Variants in DOCK11 observed in about 807,000 individuals in gnomAD.
The protein encoded by DOCK11 is dedicator of cytokinesis 11, also known as dedicator of cytokinesis protein 11.
DOCK11 carries 70 observed loss-of-function variants against 169.1 expected under a neutral mutation model. The ratio of observed to expected loss-of-function variants is 0.41; its 90% confidence interval spans 0.34 to 0.51. The LOEUF (loss-of-function observed/expected upper bound fraction) is 0.51. Among genes scored for constraint, DOCK11 ranks in the 20% least tolerant of loss-of-function variants. DOCK11 has a pLI of 0.10. For synonymous variants in DOCK11, 529 were observed against 541.3 expected (o/e 0.98, Z 0.32); for missense variants, 1,166 against 1,538.8 (o/e 0.76, Z 4.05).
chrX:118,572,076 T>C (rs1405831266), intron 10 of DOCK11, among the ~76,000 whole-genome samples: 5 of 112,218 alleles, frequency 4.5e-5, no homozygotes, highest in African/African-American at 1.6e-4. Context: ...TTGTAGGCCA[T>C]AGTACAGACT....
intron 7 of DOCK11, among the ~76,000 whole-genome samples, chrX:118,561,856 C>A (rs752938692): frequency 1.8e-5 from 2 of 110,645 alleles, no homozygotes; most frequent in South Asian, 7.8e-4. Context: ...CAGAGCAAGA[C>A]CCTGTCTACA....
chrX:118,682,038 T>C (rs1044976987), intron 51 of DOCK11, among the ~76,000 whole-genome samples: 1 of 111,614 alleles, frequency 9.0e-6, no homozygotes, highest in East Asian at 2.8e-4. Context: ...ACTATATTGC[T>C]TTGAATATTT....
intron 10 of DOCK11, among the ~76,000 whole-genome samples, chrX:118,571,178 C>G (rs1243023219): frequency 1.8e-5 from 2 of 109,936 alleles, no homozygotes; most frequent in African/African-American, 6.6e-5. Context: ...TAAGTCAGGC[C>G]TCTCCCATTT....
At chrX:118,546,210 CAAAAA>C (rs1556269491) in intron 6 of DOCK11, 94 bp downstream of exon 6, 130 of 49,016 alleles carry the variant, frequency 2.7e-3, no homozygotes, top group Admixed American at 6.4e-3. Context: ...AGAGCCCTAG[CAAAAA>C]AAAAAAAAAA....
chrX:118,620,752 G>C (rs1484397135), intron 31 of DOCK11, among the ~76,000 whole-genome samples: 1 of 112,341 alleles, frequency 8.9e-6, no homozygotes, highest in Non-Finnish European at 1.9e-5. Context: ...TTATCGCTGG[G>C]TTCTGGCTAA....
chrX:118,670,208 A>G (rs886932732), intron 45 of DOCK11, among the ~76,000 whole-genome samples: 5 of 111,910 alleles, frequency 4.5e-5, no homozygotes, highest in African/African-American at 1.6e-4. Flanking sequence ...TATAAGAGCT[A>G]GAAGATGAAT....
chrX:118,605,304 C>G lies in DOCK11; in HGVS notation c.2629C>G (p.Arg877Gly), dbSNP rs750413095. The change falls in exon 24 of 53, where the codon CGA (arginine) becomes GGA (glycine). Residue 877 changes from arginine to glycine, a missense_variant. Coordinates refer to ENST00000276202, the MANE Select transcript of DOCK11 (RefSeq NM_144658.4). ...FLPVILMQLF[R>G]VLTNMTHEDD... ...ACCTGTAATTCTTATGCAACTCTTC[C>G]GAGTTCTCACAAATATGACCCATGA... The G allele has an allele frequency of 8.3e-7, 1 of 1,200,613 alleles. No homozygotes were observed. Among genetic ancestry groups the G allele is most frequent in the Non-Finnish European group, 1.1e-6 (1 of 891,258 alleles).
At chrX:118,595,675 A>G (rs73587372) in intron 20 of DOCK11, among the ~76,000 whole-genome samples, 5,355 of 111,919 alleles carry the variant, frequency 0.048, 289 homozygotes, top group African/African-American at 0.15. Context: ...GGAGCATGAA[A>G]CAGTTATTCC....
intron 45 of DOCK11, 55 bp from the exon 46 acceptor site, chrX:118,670,968 G>A: frequency 1.8e-6 from 2 of 1,112,549 alleles, no homozygotes; most frequent in Non-Finnish European, 2.4e-6. Flanking sequence ...AAATTTATTT[G>A]TCCAAAACTC....
chrX:118,647,913 A>ATAATATATAATAAATAAT (rs1569440827), intron 40 of DOCK11, among the ~76,000 whole-genome samples: 2 of 47,514 alleles, frequency 4.2e-5, no homozygotes, highest in African/African-American at 1.8e-4. Flanking sequence ...TATATATTAT[A>ATAATATATAATAAATAAT]ATATTATATA....
chrX:118,664,848 AAC>A (rs2016302712), intron 45 of DOCK11, among the ~76,000 whole-genome samples: 1 of 111,393 alleles, frequency 9.0e-6, no homozygotes, highest in Non-Finnish European at 1.9e-5. Flanking sequence ...ACAAGAAAGA[AAC>A]ACAGAAAAGA....
At chrX:118,658,272 C>T (rs967532792) in intron 44 of DOCK11, among the ~76,000 whole-genome samples, 2 of 112,367 alleles carry the variant, frequency 1.8e-5, no homozygotes, top group African/African-American at 6.5e-5. Flanking sequence ...GTTTTGTTTT[C>T]TCTAATTCCT....
At chrX:118,532,695 G>A (rs1463902873) in intron 1 of DOCK11, among the ~76,000 whole-genome samples, 1 of 106,967 alleles carries the variant, frequency 9.3e-6, no homozygotes, top group East Asian at 3.0e-4. Context: ...GCAGGAGAAT[G>A]GCGTGAATCC....
At chrX:118,604,000 C>T (rs912483177) in intron 23 of DOCK11, among the ~76,000 whole-genome samples, 2 of 112,119 alleles carry the variant, frequency 1.8e-5, no homozygotes, top group Non-Finnish European at 3.8e-5. Flanking sequence ...TCTCAATCTT[C>T]GCACTATTGA....
Position 118,636,354 on chromosome X carries a change from T to C in DOCK11, c.3895T>C (p.Leu1299=). 9.1e-7 allele frequency: 1 copy of C among 1,101,789 alleles called. No individual in the cohort carries two copies. Among genetic ancestry groups the C allele is most frequent in the African/African-American group, 1.8e-5 (1 of 54,933 alleles). The allele number at this position is 1,101,789 out of a possible 1,213,427, so 90.8% of individuals were successfully genotyped here. Residue 1299 remains leucine (L), a synonymous_variant, in exon 36 of 53, where the codon TTA becomes CTA. Transcript: ENST00000276202. ...IVKMISEDTL[L]TYWNKVSPQE... ...ATTTATTCCATTTTCAGATACTCTC[T>C]TAACTTACTGGAATAAAGTATCACC...
intron 1 of DOCK11, among the ~76,000 whole-genome samples, chrX:118,514,643 C>T (rs1270076268): frequency 3.6e-5 from 4 of 111,910 alleles, no homozygotes; most frequent in Admixed American, 9.5e-5. Flanking sequence ...CCTTCCTTTG[C>T]CCTGTAGTCT....
chrX:118,654,869 GT>G (rs1181832101), intron 43 of DOCK11, 34 bp from the exon 44 acceptor site: 1 of 1,205,752 alleles, frequency 8.3e-7, no homozygotes, highest in Non-Finnish European at 1.1e-6. Flanking sequence ...CCTTGAGCAT[GT>G]TCTGACAGTT....
At chrX:118,546,855 T>C (rs1197684182) in intron 6 of DOCK11, among the ~76,000 whole-genome samples, 1 of 111,241 alleles carries the variant, frequency 9.0e-6, no homozygotes, top group Non-Finnish European at 1.9e-5. Context: ...CCTGGCGTGA[T>C]AGCACACACC....
At chrX:118,608,171 A>T in intron 25 of DOCK11, 30 bp downstream of exon 25, 1 of 1,193,122 alleles carries the variant, frequency 8.4e-7, no homozygotes, top group Non-Finnish European at 1.1e-6. Flanking sequence ...TTTCTGAGCA[A>T]TTTGTTTTAT....
Sources: allele counts gnomAD v4.1 joint callset (sites outside exome capture counted in the v4.1 genomes callset), GRCh38; gene constraint gnomAD v4.1.1; transcripts MANE v1.5; gene names NCBI Gene and HGNC (gene_info 2026-07-23, HGNC 2026-07-21).